NCAPD2: variants seen among roughly 807,000 people sequenced by gnomAD.
NCAPD2 encodes condensin complex subunit 1.
Under a neutral mutation model 164.5 loss-of-function variants are expected in NCAPD2, and 100 were observed. The observed-to-expected ratio is 0.61, with a 90% CI of 0.52 to 0.72. The LOEUF (loss-of-function observed/expected upper bound fraction) is 0.72, where lower values mean the gene tolerates loss of function less well. Ranked by LOEUF, NCAPD2 falls within the 30% of genes least tolerant of loss-of-function variation. The pLI is 0.00. For missense variants in NCAPD2, 1,560 were observed against 1,749.2 expected (o/e 0.89, Z 1.93); for synonymous variants, 585 against 642.6 (o/e 0.91, Z 1.36).
chr12:6,510,010 G>T (rs1946131187), intron 3 of NCAPD2, 65 bp from the exon 4 acceptor site: 2 of 1,512,482 alleles, frequency 1.3e-6, no homozygotes, highest in South Asian at 1.1e-5. Context: ...GGTTAGATCT[G>T]ATCTGTTAGA....
intron 17 of NCAPD2, among the ~76,000 whole-genome samples, chr12:6,524,153 TAC>T: frequency 1.3e-5 from 2 of 152,274 alleles, no homozygotes; most frequent in Middle Eastern, 6.8e-3. Context: ...TACTGAGGGA[TAC>T]AGAGTAGGAA....
Position 6,527,863 on chromosome 12 carries a change from C to G in NCAPD2, c.2994C>G (p.Gly998=). The part of the protein sequence containing the change: ...ADDTEAELIR[G]ICEMELLDGK... Reference sequence around the variant, plus strand: ...ACACAGAGGCAGAACTAATCCGTGGCATCTGCGAGATGGAACTGTTGGATG... The same window carrying G: ...ACACAGAGGCAGAACTAATCCGTGGGATCTGCGAGATGGAACTGTTGGATG... The change falls in exon 23 of 32, where the codon GGC becomes GGG. Residue 998 remains glycine (G), a synonymous_variant. Transcript: ENST00000315579. The G allele has an allele frequency of 1.2e-6, 2 of 1,613,726 alleles. No homozygotes were observed. The highest frequency in any genetic ancestry group is 1.7e-6 in the Non-Finnish European group (2 of 1,179,626).
At chr12:6,500,475 T>C (rs1356797685) in intron 2 of NCAPD2, among the ~76,000 whole-genome samples, 1 of 152,070 alleles carries the variant, frequency 6.6e-6, no homozygotes, top group African/African-American at 2.4e-5. Flanking sequence ...AGAGTTGGAG[T>C]GCATTAAGCT....
chr12:6,497,641 A>G (rs1235788161), intron 2 of NCAPD2, among the ~76,000 whole-genome samples: 2 of 2,780 alleles, frequency 7.2e-4, no homozygotes, highest in Non-Finnish European at 1.3e-3. Flanking sequence ...TGTTGTTGAG[A>G]CTGAGTCTCC....
Position 6,519,315 on chromosome 12 carries a change from C to T in NCAPD2, c.1589+1356C>T, listed in dbSNP as rs185290415. On this transcript the variant is annotated intron_variant, in intron 13 of 31. Transcript: ENST00000315579. Reference sequence around the variant, plus strand: ...ACTATAGTTTTATAAGTGCATGTTCCACCAAGCATTCTAGTATTTTCTCCT... The same window carrying T: ...ACTATAGTTTTATAAGTGCATGTTCTACCAAGCATTCTAGTATTTTCTCCT... Among the ~76,000 whole-genome samples the T allele has an allele frequency of 1.7e-3, 264 of 152,172 alleles. 7 individuals carry two copies. In the South Asian group the frequency reaches 0.039, roughly 23 times the overall value.
Position 6,517,495 on chromosome 12 carries a change from G to A in NCAPD2, c.1316G>A (p.Cys439Tyr), listed in dbSNP as rs1406424119. The change falls in exon 11 of 32, where the codon TGC (cysteine) becomes TAC (tyrosine). Residue 439 changes from cysteine to tyrosine, a missense_variant. By Grantham distance (194) the Cys-to-Tyr change is radical (BLOSUM62 -2). Transcript: ENST00000315579. ...ASFLANNPFS[C>Y]KLSDADLAGP... Reference sequence around the variant, plus strand: ...TTTCTAGCCAATAATCCTTTCTCCTGCAAGGTAAGTAGACTTGGTCCACCA... The same window carrying A: ...TTTCTAGCCAATAATCCTTTCTCCTACAAGGTAAGTAGACTTGGTCCACCA... 5 of 1,614,064 alleles carry A rather than the reference G, an allele frequency of 3.1e-6. No homozygotes were observed. Among genetic ancestry groups the A allele is most frequent in the Non-Finnish European group, 4.2e-6 (5 of 1,180,032 alleles).
intron 3 of NCAPD2, 89 bp downstream of exon 3, chr12:6,509,881 G>A: frequency 2.8e-6 from 4 of 1,435,216 alleles, no homozygotes; most frequent in Non-Finnish European, 3.9e-6. Context: ...CCAAGTTATA[G>A]GTTCACTGAT....
rs764351186 is a variant in NCAPD2 at position 6,527,758 on chromosome 12, C to G, written c.2908-19C>G. On this transcript the variant is annotated intron_variant, in intron 22 of 31. Coordinates refer to ENST00000315579, the MANE Select transcript of NCAPD2 (RefSeq NM_014865.4). ...TGTTGTCTCTGCTTATCCATGATCC[C>G]CAATTTCATTCCCTTTAGAATACGA... The G allele has an allele frequency of 6.3e-7, 1 of 1,596,800 alleles. No individual in the cohort carries two copies. Among genetic ancestry groups the G allele is most frequent in the South Asian group, 1.1e-5 (1 of 89,616 alleles).
intron 2 of NCAPD2, among the ~76,000 whole-genome samples, chr12:6,504,214 T>C (rs1034647612): frequency 0.13 from 2,185 of 17,282 alleles, 22 homozygotes; most frequent in Non-Finnish European, 0.15. Context: ...TATATATATA[T>C]ATAGATATAG....
chr12:6,531,585 A>C lies in NCAPD2; in HGVS notation c.*173A>C, dbSNP rs141740035. On this transcript the variant is annotated 3_prime_UTR_variant, in exon 32 of 32. Transcript: ENST00000315579. The surrounding 1 kb of genome is among the most constrained non-coding windows in gnomAD (Gnocchi z 4.1). ...CTTTGCGATACCAAGGCGGGTGGATAACCTGAGGTAGGGAGTTCGAGACCA... is the reference window on the plus strand; with the variant it reads ...CTTTGCGATACCAAGGCGGGTGGATCACCTGAGGTAGGGAGTTCGAGACCA... The C allele has an allele frequency of 1.2e-5, 17 of 1,361,560 alleles. No homozygotes were observed. The highest frequency in any genetic ancestry group is 1.5e-5 in the Non-Finnish European group (15 of 1,002,906). The allele number at this position is 1,361,560 out of a possible 1,614,324, so 84.3% of individuals were successfully genotyped here.
intron 13 of NCAPD2, among the ~76,000 whole-genome samples, chr12:6,518,504 G>GTTTGTTTTT (rs1946225773): frequency 2.2e-5 from 1 of 44,774 alleles, no homozygotes; most frequent in Non-Finnish European, 3.9e-5. Flanking sequence ...CCGTCAACAA[G>GTTTGTTTTT]TTTTTTTTTT....
intron 30 of NCAPD2, 25 bp from the exon 31 acceptor site, chr12:6,530,896 A>C: frequency 6.2e-7 from 1 of 1,612,904 alleles, no homozygotes; most frequent in African/African-American, 1.3e-5. Flanking sequence ...TTCTTTTTTA[A>C]ATCACGTTTT....
intron 13 of NCAPD2, among the ~76,000 whole-genome samples, chr12:6,518,525 T>TTTTTTTTTTGTTTTG (rs1946232740): frequency 2.5e-5 from 3 of 122,014 alleles, no homozygotes; most frequent in African/African-American, 9.9e-5. Context: ...TTTTTTTTTT[T>TTTTTTTTTTGTTTTG]TTTTTTTTTG....
At chr12:6,505,751 G>C (rs1450445744) in intron 2 of NCAPD2, among the ~76,000 whole-genome samples, 2 of 152,100 alleles carry the variant, frequency 1.3e-5, no homozygotes, top group African/African-American at 4.8e-5. Context: ...TGTAGTCCCA[G>C]CTCCCAGGGT....
chr12:6,504,212 T>TACAC (rs1204603476), intron 2 of NCAPD2, among the ~76,000 whole-genome samples: 323 of 21,660 alleles, frequency 0.015, 6 homozygotes, highest in African/African-American at 0.096. Context: ...TATATATATA[T>TACAC]ATATAGATAT....
At position 6,522,091 on chromosome 12, in the gene NCAPD2, T is replaced by A. The variant is rs959276258; in HGVS notation, c.1954+54T>A. ...AGCCTTGGGGTTCTTTTGGATTTTT[T>A]AATTTTTTAAATTTTTATTAACAAT... On this transcript the variant is annotated intron_variant, in intron 15 of 31. Transcript: ENST00000315579. The A allele has an allele frequency of 5.1e-6, 8 of 1,564,578 alleles. No individual in the cohort carries two copies. The African/African-American group carries it at 5.5e-5, about 11-fold the overall frequency.
chr12:6,526,802 G>A, intron 21 of NCAPD2, 89 bp from the exon 22 acceptor site: 1 of 1,489,810 alleles, frequency 6.7e-7, no homozygotes, highest in East Asian at 2.3e-5. Flanking sequence ...TAGCACGTGA[G>A]CAAGGGGAAG....
rs1164863276 is a variant in NCAPD2, at chr12:6,510,129, A to G, written c.258A>G (p.Ile86Met). 1.2e-6 allele frequency: 2 copies of G among 1,608,750 alleles called. No individual in the cohort carries two copies. The highest frequency in any genetic ancestry group is 3.3e-5 in the Admixed American group (2 of 60,008). ...AAGAAGATACTCTGCAATTCCTGAT[A>G]AAAGGTGTTTATGGGTCAGGGGGTA... ...GLKEDTLQFLIKVVSRHSQEL... is the reference protein window; with the variant it reads ...GLKEDTLQFLMKVVSRHSQEL... Residue 86 changes from isoleucine to methionine, a missense_variant, in exon 4 of 32, where the codon ATA (isoleucine) becomes ATG (methionine). Physicochemically the swap from Ile to Met is conservative, Grantham distance 10. Transcript: ENST00000315579.
chr12:6,528,715 G>A lies in NCAPD2; in HGVS notation c.3336G>A (p.Ala1112=), dbSNP rs149244253. The A allele has an allele frequency of 7.2e-5, 116 of 1,613,740 alleles. No homozygotes were observed. The African/African-American group carries it at 7.7e-4, about 11-fold the overall frequency. The part of the protein sequence containing the change: ...RDPAQQVRKT[A]GLVMTHLILK... ...CTGCTCAGCAAGTGCGGAAAACAGC[G>A]GGGCTGGTGATGACCCACCTGATCC... The change falls in exon 26 of 32, where the codon GCG becomes GCA. Residue 1112 remains alanine (A), a synonymous_variant. Coordinates refer to ENST00000315579, the MANE Select transcript of NCAPD2 (RefSeq NM_014865.4). The surrounding 1 kb of genome is among the most constrained non-coding windows in gnomAD (Gnocchi z 5.1).
Sources: allele counts gnomAD v4.1 joint callset (sites outside exome capture counted in the v4.1 genomes callset), GRCh38; gene constraint gnomAD v4.1.1; non-coding constraint Gnocchi (gnomAD v3.1); transcripts MANE v1.5; gene names NCBI Gene and HGNC (gene_info 2026-07-23, HGNC 2026-07-21).